The following OTUD7A variants were observed in gnomAD, a reference collection of about 807,000 sequenced individuals.
The protein encoded by OTUD7A is OTU deubiquitinase 7A, also known as OTU domain-containing protein 7A.
Under a neutral mutation model 65.7 loss-of-function variants are expected in OTUD7A, and 12 were observed. The observed-to-expected ratio is 0.18, with a 90% CI of 0.12 to 0.30. The LOEUF (loss-of-function observed/expected upper bound fraction) is 0.30. Among genes scored for constraint, OTUD7A ranks in the 10% least tolerant of loss-of-function variants. The pLI is 1.00. For synonymous variants in OTUD7A, 641 were observed against 586.3 expected (o/e 1.09, Z -1.35); for missense variants, 1,148 against 1,304.8 (o/e 0.88, Z 1.85).
intron 5 of OTUD7A, among the ~76,000 whole-genome samples, chr15:31,547,636 C>T (rs8037643): frequency 0.031 from 4,764 of 152,234 alleles, 267 homozygotes; most frequent in African/African-American, 0.11. Context: ...AGATTCATCA[C>T]ATGACTTGCT....
chr15:31,516,026 C>G (rs2041848520), intron 8 of OTUD7A, among the ~76,000 whole-genome samples: 1 of 152,190 alleles, frequency 6.6e-6, no homozygotes, highest in Non-Finnish European at 1.5e-5. Context: ...ATCTATCTGC[C>G]CAAGCACCTA....
chr15:31,627,454 T>C (rs1890995978), intron 3 of OTUD7A, among the ~76,000 whole-genome samples: 1 of 152,048 alleles, frequency 6.6e-6, no homozygotes, highest in Non-Finnish European at 1.5e-5. Flanking sequence ...TATTCCATGG[T>C]GTATATGTAC....
chr15:31,796,969 G>A (rs1895978270), intron 1 of OTUD7A, among the ~76,000 whole-genome samples: 1 of 152,208 alleles, frequency 6.6e-6, no homozygotes, highest in South Asian at 2.1e-4. Context: ...CCTGACCCCA[G>A]GTGATTCACC....
chr15:31,538,728 CCCATCACCCAAAA>C (rs1372168097), intron 5 of OTUD7A, among the ~76,000 whole-genome samples: 1 of 152,110 alleles, frequency 6.6e-6, no homozygotes, highest in Non-Finnish European at 1.5e-5. Flanking sequence ...AAGAAACACA[CCCATCACCCAAAA>C]CCAAATGAAT....
At chr15:31,679,099 A>G (rs1020028300) in intron 1 of OTUD7A, among the ~76,000 whole-genome samples, 3 of 152,112 alleles carry the variant, frequency 2.0e-5, no homozygotes, top group Admixed American at 6.5e-5. Context: ...ACATTGCCCT[A>G]CTGGATTTTG....
chr15:31,819,757 T>C (rs909306602), intron 1 of OTUD7A, among the ~76,000 whole-genome samples: 7 of 151,588 alleles, frequency 4.6e-5, no homozygotes, highest in African/African-American at 1.5e-4. Flanking sequence ...CTACATTATA[T>C]ATAACATATA....
In OTUD7A at chr15:31,482,718, T is replaced by C. The variant is rs1413932109; in HGVS notation, c.*576A>G. 6.6e-6 allele frequency: 1 copy of C among 152,094 alleles called. No individual in the cohort carries two copies. Among genetic ancestry groups the C allele is most frequent in the Non-Finnish European group, 1.5e-5 (1 of 68,098 alleles). The allele number at this position is 152,094 out of a possible 1,614,324, so 9.4% of individuals were successfully genotyped here. Reference sequence around the variant, plus strand: ...AGGTTTTGCTTATGAAATGGAGCTGTGTGTTTCTAAAGGGCCACAGTGACC... The same window carrying C: ...AGGTTTTGCTTATGAAATGGAGCTGCGTGTTTCTAAAGGGCCACAGTGACC... On this transcript the variant is annotated 3_prime_UTR_variant, in exon 13 of 13. Transcript: ENST00000307050.
intron 5 of OTUD7A, among the ~76,000 whole-genome samples, chr15:31,549,227 T>C (rs1888239399): frequency 6.7e-6 from 1 of 148,906 alleles, no homozygotes; most frequent in Admixed American, 6.7e-5. Context: ...CCAAGTGAAA[T>C]GGTTAAAAGT....
At chr15:31,518,548 A>C (rs1251720910) in intron 8 of OTUD7A, among the ~76,000 whole-genome samples, 1 of 152,164 alleles carries the variant, frequency 6.6e-6, no homozygotes, top group Non-Finnish European at 1.5e-5. Context: ...AACTGTATGC[A>C]CACATCCTCC....
intron 5 of OTUD7A, among the ~76,000 whole-genome samples, chr15:31,547,569 T>C (rs899678032): frequency 2.0e-5 from 3 of 152,188 alleles, no homozygotes; most frequent in Non-Finnish European, 4.4e-5. Context: ...GAGAACATAA[T>C]GACAATGCAA....
intron 8 of OTUD7A, among the ~76,000 whole-genome samples, chr15:31,519,145 C>T (rs187634948): frequency 8.3e-4 from 126 of 151,406 alleles, no homozygotes; most frequent in East Asian, 1.5e-3. Flanking sequence ...TGTGTGTGCA[C>T]GCACGCGCAC....
At chr15:31,513,810 A>G (rs995428416) in intron 8 of OTUD7A, among the ~76,000 whole-genome samples, 4 of 152,202 alleles carry the variant, frequency 2.6e-5, no homozygotes, top group Non-Finnish European at 5.9e-5. Flanking sequence ...TGAAATTAAC[A>G]AGCATTTTGT....
intron 1 of OTUD7A, among the ~76,000 whole-genome samples, chr15:31,827,603 T>C (rs991798953): frequency 6.6e-6 from 1 of 152,196 alleles, no homozygotes; most frequent in African/African-American, 2.4e-5. Context: ...TTGTATACTT[T>C]AATGTTCTCC....
intron 1 of OTUD7A, among the ~76,000 whole-genome samples, chr15:31,860,677 G>GTGTGTATGTGTATATATATATATATATA (rs560896384): frequency 1.4e-5 from 1 of 73,284 alleles, no homozygotes; most frequent in South Asian, 6.0e-4. Context: ...ATGTATGTGT[G>GTGTGTATGTGTATATATATATATATATA]TATATATATA....
intron 4 of OTUD7A, among the ~76,000 whole-genome samples, chr15:31,567,737 G>GC (rs1888920330): frequency 6.6e-6 from 1 of 152,240 alleles, no homozygotes; most frequent in South Asian, 2.1e-4. Context: ...CAGGCCCAGG[G>GC]CCCCGCTACC....
At chr15:31,557,944 C>T (rs1030363499) in intron 5 of OTUD7A, 7 of 152,060 alleles carry the variant, frequency 4.6e-5, no homozygotes, top group African/African-American at 1.7e-4. Flanking sequence ...TCTCCACGGA[C>T]CAAGCCTTGG....
intron 1 of OTUD7A, among the ~76,000 whole-genome samples, chr15:31,810,134 G>A (rs1372669518): frequency 1.3e-5 from 2 of 152,158 alleles, no homozygotes; most frequent in African/African-American, 2.4e-5. Flanking sequence ...GGGCAGCTTC[G>A]GGAGGCCAGA....
chr15:31,806,039 G>C (rs1266244704), intron 1 of OTUD7A, among the ~76,000 whole-genome samples: 3 of 152,146 alleles, frequency 2.0e-5, no homozygotes, highest in African/African-American at 7.2e-5. Context: ...ACAAGTTTAG[G>C]AATTACATTC....
At chr15:31,685,556 G>A (rs11071279) in intron 1 of OTUD7A, among the ~76,000 whole-genome samples, 100,593 of 152,002 alleles carry the variant, frequency 0.66, 35,988 homozygotes, top group South Asian at 0.84. Context: ...CTACTAGGGA[G>A]GCTGAGGCAG....
Sources: gnomAD v4.1 joint callset for allele counts (sites outside exome capture counted in the v4.1 genomes callset) on GRCh38, gnomAD v4.1.1 for gene constraint, MANE v1.5 for transcripts, NCBI Gene and HGNC (gene_info 2026-07-23, HGNC 2026-07-21) for gene names.